The following TOP1MT variants were observed in gnomAD, a reference collection of about 807,000 sequenced individuals.
TOP1MT encodes the protein DNA topoisomerase I, mitochondrial.
In TOP1MT, 80 loss-of-function variants were observed where a neutral mutation model predicts 73.9. That is an observed-to-expected ratio of 1.08 (90% CI 0.90 to 1.30). TOP1MT has a LOEUF of 1.30. Ranked by LOEUF, TOP1MT falls within the 50% of genes most tolerant of loss-of-function variation. The probability of loss-of-function intolerance (pLI) is 0.00; values close to 1 mark genes in which losing one functional copy is unlikely to be tolerated. For synonymous variants in TOP1MT, 338 were observed against 326.4 expected (o/e 1.04, Z -0.38); for missense variants, 815 against 808.0 (o/e 1.01, Z -0.10).
At chr8:143,337,968 T>C (rs925403237), upstream of TOP1MT, among the ~76,000 whole-genome samples, 27 of 152,158 alleles carry the variant, frequency 1.8e-4, no homozygotes, top group African/African-American at 6.5e-4. Flanking sequence ...ACTTGCACAA[T>C]GTATCACGGC....
intron 2 of TOP1MT, among the ~76,000 whole-genome samples, chr8:143,329,724 C>T (rs959500407): frequency 6.6e-6 from 1 of 152,178 alleles, no homozygotes; most frequent in African/African-American, 2.4e-5. Context: ...ACTGCTTTCT[C>T]CTCCTTTACC....
At chr8:143,342,360 C>G (rs1026998861) in intron 2 of TOP1MT, among the ~76,000 whole-genome samples, 5 of 137,462 alleles carry the variant, frequency 3.6e-5, no homozygotes, top group Non-Finnish European at 6.0e-5. Flanking sequence ...CAGAGTCTCG[C>G]TCTGTTATTA....
chr8:143,332,284 C>T (rs951539814), intron 1 of TOP1MT, among the ~76,000 whole-genome samples: 3 of 152,202 alleles, frequency 2.0e-5, no homozygotes, highest in African/African-American at 7.2e-5. Context: ...TGGGGCGTGG[C>T]TGGCAGGCAG....
upstream of TOP1MT, among the ~76,000 whole-genome samples, chr8:143,357,960 C>T (rs12681272): frequency 2.5e-4 from 38 of 152,000 alleles, no homozygotes; most frequent in East Asian, 7.1e-3. Context: ...TGGTAGCACA[C>T]GCCTGTGGTC....
At chr8:143,328,996 G>A (rs572105830) in intron 3 of TOP1MT, among the ~76,000 whole-genome samples, 4 of 152,224 alleles carry the variant, frequency 2.6e-5, no homozygotes, top group Admixed American at 2.0e-4. Context: ...AATGGCATGC[G>A]GCCTCCTCTA....
chr8:143,341,650 C>T lies in TOP1MT; in HGVS notation c.29+1570G>A, dbSNP rs1453765944. On this transcript the variant is annotated intron_variant, in intron 2 of 5. Transcript: ENST00000518007. This position sits in a 1 kb window ranked among gnomAD's most constrained non-coding sequence, Gnocchi z 4.1. ...CTCTGTCAGGAGCAGAAACCAAGGGCAATGAACAAAGGAGCCAGGGGTCAG... is the reference window on the plus strand; with the variant it reads ...CTCTGTCAGGAGCAGAAACCAAGGGTAATGAACAAAGGAGCCAGGGGTCAG... Among the ~76,000 whole-genome samples, 1 of 152,204 alleles carries T rather than the reference C, an allele frequency of 6.6e-6. No homozygotes were observed. Among genetic ancestry groups the T allele is most frequent in the Admixed American group, 6.5e-5 (1 of 15,290 alleles).
At chr8:143,353,893 G>A (rs530879858) in intron 1 of TOP1MT, among the ~76,000 whole-genome samples, 1 of 147,028 alleles carries the variant, frequency 6.8e-6, no homozygotes, top group East Asian at 2.0e-4. Flanking sequence ...GAATCCAGGA[G>A]GCAGAGGTTG....
chr8:143,329,589 T>G (rs3812436), intron 2 of TOP1MT, 118 bp from the exon 3 acceptor site: 9 of 1,245,012 alleles, frequency 7.2e-6, no homozygotes, highest in African/African-American at 4.7e-5. Flanking sequence ...AGCAAGAAGC[T>G]AGGCCTTCTT....
chr8:143,341,180 T>C lies in TOP1MT; in HGVS notation c.29+2040A>G, dbSNP rs761320442. Among the ~76,000 whole-genome samples, 2 of 152,206 alleles carry C rather than the reference T, an allele frequency of 1.3e-5. No homozygotes were observed. Among genetic ancestry groups the C allele is most frequent in the African/African-American group, 4.8e-5 (2 of 41,452 alleles). On this transcript the variant is annotated intron_variant, in intron 2 of 5. Coordinates refer to the TOP1MT transcript ENST00000518007. This position sits in a 1 kb window ranked among gnomAD's most constrained non-coding sequence, Gnocchi z 4.1. ...GCCCCAGTGCATCTCCCCACACGTT[T>C]GTCCTGAAGCCCTTTCTCCCCTTTC...
intron 8 of TOP1MT, among the ~76,000 whole-genome samples, chr8:143,318,821 T>C (rs7388488): frequency 0.87 from 132,972 of 152,182 alleles, 58,193 homozygotes; most frequent in African/African-American, 0.93. Flanking sequence ...CACCGGGACA[T>C]GGCGGGAAGC....
rs555869203 is a variant in TOP1MT, at chr8:143,315,644, G to A, written c.1553+83C>T. On this transcript the variant is annotated intron_variant, in intron 12 of 13. Transcript: ENST00000329245. The stretch of plus-strand genomic sequence containing the variant: ...TCCGCACAAGGAGACAACAAGGGTC[G>A]TCTCCCACCGACCCTGTGGGGCTGG... 13 of 998,762 alleles carry A rather than the reference G, an allele frequency of 1.3e-5. 1 individual carries two copies. The highest frequency in any genetic ancestry group is 1.0e-4 in the Admixed American group (5 of 47,620). The allele number at this position is 998,762 out of a possible 1,614,324, so 61.9% of individuals were successfully genotyped here.
upstream of TOP1MT, among the ~76,000 whole-genome samples, chr8:143,348,599 TGGGGGGTGGG>T (rs1339287702): frequency 3.4e-5 from 4 of 116,878 alleles, no homozygotes; most frequent in Non-Finnish European, 3.5e-5. This position sits in a 1 kb window ranked among gnomAD's most constrained non-coding sequence, Gnocchi z 4.6. Flanking sequence ...CACTGAGAGC[TGGGGGGTGGG>T]GGGGGGTGGG....
chr8:143,328,356 G>A (rs376745023), intron 3 of TOP1MT: 14 of 437,604 alleles, frequency 3.2e-5, no homozygotes, highest in African/African-American at 8.1e-5. Context: ...ATAAATGAGC[G>A]AGGAATACGC....
chr8:143,330,722 G>C (rs898053750), intron 2 of TOP1MT, among the ~76,000 whole-genome samples: 1 of 152,188 alleles, frequency 6.6e-6, no homozygotes, highest in African/African-American at 2.4e-5. Flanking sequence ...CTGGGGTAGA[G>C]AGGAGGGCTC....
At chr8:143,329,009 C>G (rs1282776695) in intron 3 of TOP1MT, among the ~76,000 whole-genome samples, 1 of 152,218 alleles carries the variant, frequency 6.6e-6, no homozygotes, top group Non-Finnish European at 1.5e-5. Context: ...CTCCTCTACT[C>G]TCCTTCTTAT....
At chr8:143,323,368 C>G in intron 7 of TOP1MT, among the ~76,000 whole-genome samples, 1 of 133,964 alleles carries the variant, frequency 7.5e-6, no homozygotes, top group Non-Finnish European at 1.6e-5. Context: ...CCCACAGGCA[C>G]GCCACACAGA....
At chr8:143,345,671 TAGA>T (rs1289740483), upstream of TOP1MT, among the ~76,000 whole-genome samples, 6 of 152,236 alleles carry the variant, frequency 3.9e-5, no homozygotes, top group Admixed American at 1.3e-4. Context: ...TCATAAATTA[TAGA>T]AGAATACATT....
At chr8:143,334,978 C>T, upstream of TOP1MT, 1 of 1,130,968 alleles carries the variant, frequency 8.8e-7, no homozygotes, top group Non-Finnish European at 1.1e-6. Flanking sequence ...CGGCGCTCAT[C>T]CCAAGGCTGG....
intron 3 of TOP1MT, chr8:143,328,050 G>A (rs1816753496): frequency 2.9e-6 from 1 of 345,200 alleles, no homozygotes; most frequent in Non-Finnish European, 5.7e-6. Flanking sequence ...AACATGAAAC[G>A]TGGGACCTCA....
Sources: allele counts gnomAD v4.1 joint callset (sites outside exome capture counted in the v4.1 genomes callset), GRCh38; gene constraint gnomAD v4.1.1; non-coding constraint Gnocchi (gnomAD v3.1); transcripts MANE v1.5; gene names NCBI Gene and HGNC (gene_info 2026-07-23, HGNC 2026-07-21).